USP48: variants seen among roughly 807,000 people sequenced by gnomAD.
The protein encoded by USP48 is ubiquitin carboxyl-terminal hydrolase 48.
In USP48, 43 loss-of-function variants were observed where a neutral mutation model predicts 150.7. That is an observed-to-expected ratio of 0.29 (90% confidence interval 0.22 to 0.37). The LOEUF is 0.37. Among genes scored for constraint, USP48 ranks in the 10% least tolerant of loss-of-function variants. The probability of loss-of-function intolerance (pLI) is 1.00; values close to 1 mark genes in which losing one functional copy is unlikely to be tolerated. For missense variants in USP48, 813 were observed against 1,249.6 expected, an observed-to-expected ratio of 0.65 and a Z score of 5.27; for synonymous variants, 396 against 425.9, an observed-to-expected ratio of 0.93 and a Z score of 0.86.
At chr1:21,742,577 GA>G (rs1378923662) in intron 8 of USP48, among the ~76,000 whole-genome samples, 16 of 141,530 alleles carry the variant, frequency 1.1e-4, no homozygotes, top group African/African-American at 1.8e-4. Context: ...AAAAGAAAAA[GA>G]AAAAGAAAAG....
chr1:21,689,870 G>C, intron 24 of USP48, 104 bp downstream of exon 24: 1 of 1,482,704 alleles, frequency 6.7e-7, no homozygotes, highest in Non-Finnish European at 9.1e-7. Context: ...ACTACCCTCT[G>C]CTAAAGACCC....
rs60704662 is a variant in USP48, at chr1:21,773,254, C to CAA, written c.134+9568_134+9569dup. On this transcript the variant is annotated intron_variant, in intron 1 of 26. Transcript: ENST00000308271. ...TGGGCAACAGACTGAGACTCGGTCT[C>CAA]AAAAAAAAAAAAAAAAAAAAGAAAG... Among the ~76,000 whole-genome samples, 209 of 65,974 alleles carry CAA rather than the reference C, an allele frequency of 3.2e-3. 3 individuals are homozygous for CAA. Among genetic ancestry groups the CAA allele is most frequent in the African/African-American group, 8.6e-3 (156 of 18,094 alleles). 43.3% of individuals were successfully genotyped at this position (65,974 alleles called of 152,430 possible). A position where few individuals can be genotyped will look rare whatever the true frequency, so the allele number is the denominator to read the frequency against.
At chr1:21,751,266 A>G (rs2097812503) in intron 6 of USP48, among the ~76,000 whole-genome samples, 2 of 152,220 alleles carry the variant, frequency 1.3e-5, no homozygotes, top group Non-Finnish European at 1.5e-5. Flanking sequence ...ATCACAGAAT[A>G]ATATCTTCTC....
At chr1:21,751,469 A>T in intron 6 of USP48, 38 bp downstream of exon 6, 1 of 1,469,544 alleles carries the variant, frequency 6.8e-7, no homozygotes, top group Non-Finnish European at 9.5e-7. Context: ...TTTAACTGTT[A>T]ATGGGCAGGA....
At chr1:21,724,454 C>G in intron 11 of USP48, 1 of 409,848 alleles carries the variant, frequency 2.4e-6, no homozygotes, top group East Asian at 3.8e-5. Flanking sequence ...CCATTGCTGC[C>G]TCACAAATAA....
intron 8 of USP48, among the ~76,000 whole-genome samples, chr1:21,737,211 A>G (rs1201504882): frequency 6.6e-6 from 1 of 152,234 alleles, no homozygotes; most frequent in East Asian, 1.9e-4. Context: ...AATTGTGGTC[A>G]CCATTTCACA....
intron 17 of USP48, 137 bp downstream of exon 17, chr1:21,706,330 G>A: frequency 6.7e-7 from 1 of 1,500,358 alleles, no homozygotes; most frequent in Non-Finnish European, 9.1e-7. Context: ...TAGCAGGCTG[G>A]AGTAAATCCC....
intron 22 of USP48, 22 bp downstream of exon 22, chr1:21,701,476 G>A: frequency 1.9e-6 from 3 of 1,601,148 alleles, no homozygotes; most frequent in Non-Finnish European, 2.6e-6. Flanking sequence ...GTATAACAAT[G>A]AAAAGCAGCT....
At chr1:21,778,468 A>G (rs977876941) in intron 1 of USP48, among the ~76,000 whole-genome samples, 4 of 151,996 alleles carry the variant, frequency 2.6e-5, no homozygotes, top group Non-Finnish European at 5.9e-5. Context: ...TAACCTGACA[A>G]TTCCTCAAAA....
At chr1:21,734,091 GA>G (rs1318032555) in intron 9 of USP48, among the ~76,000 whole-genome samples, 2 of 152,216 alleles carry the variant, frequency 1.3e-5, no homozygotes, top group Admixed American at 1.3e-4. Flanking sequence ...TATAAACACA[GA>G]AATGTTATTT....
intron 9 of USP48, among the ~76,000 whole-genome samples, chr1:21,735,039 A>C (rs986924676): frequency 2.0e-5 from 3 of 152,196 alleles, no homozygotes; most frequent in Non-Finnish European, 2.9e-5. Context: ...TAAGATACTT[A>C]AAGGAAGGAG....
chr1:21,697,037 C>T (rs2097635654), intron 22 of USP48, among the ~76,000 whole-genome samples: 1 of 152,148 alleles, frequency 6.6e-6, no homozygotes, highest in African/African-American at 2.4e-5. Context: ...AAGGCCCTGG[C>T]TCTGGTTTCC....
Position 21,693,902 on chromosome 1 carries a change from A to G in USP48, c.2883+1164T>C, listed in dbSNP as rs1424293524. Among the ~76,000 whole-genome samples the G allele has an allele frequency of 2.6e-5, 4 of 152,358 alleles. No homozygotes were observed. In the East Asian group the frequency reaches 5.8e-4, roughly 22 times the overall value. On this transcript the variant is annotated intron_variant, in intron 23 of 26. Transcript: ENST00000308271. Reference sequence around the variant, plus strand: ...GGCCTGTACTTTTGCCTCAATTACAATGATAAATATCAGCAACAAGAAAAA... The same window carrying G: ...GGCCTGTACTTTTGCCTCAATTACAGTGATAAATATCAGCAACAAGAAAAA...
chr1:21,744,777 T>TAAAAAAAAAAAAA (rs10699993), intron 8 of USP48, among the ~76,000 whole-genome samples: 2 of 59,548 alleles, frequency 3.4e-5, no homozygotes, highest in African/African-American at 7.0e-5. Context: ...ACTCTATCTC[T>TAAAAAAAAAAAAA]AAAAAAAAAA....
chr1:21,684,991 T>C (rs2097576857), intron 25 of USP48, among the ~76,000 whole-genome samples: 1 of 152,212 alleles, frequency 6.6e-6, no homozygotes, highest in Admixed American at 6.5e-5. Context: ...GCTTTGTTCT[T>C]TTTGCTGAGG....
chr1:21,769,345 A>C (rs545394313), intron 1 of USP48, among the ~76,000 whole-genome samples: 4 of 148,970 alleles, frequency 2.7e-5, no homozygotes, highest in South Asian at 2.2e-4. Flanking sequence ...AAGAGAACTT[A>C]CGAACACAAA....
intron 12 of USP48, 104 bp downstream of exon 12, chr1:21,723,794 T>C (rs2097728708): frequency 1.0e-6 from 1 of 993,516 alleles, no homozygotes; most frequent in African/African-American, 1.6e-5. Flanking sequence ...ATATTTGGTC[T>C]AGCATAGTTT....
At chr1:21,698,085 T>C (rs1445418352) in intron 22 of USP48, among the ~76,000 whole-genome samples, 2 of 152,160 alleles carry the variant, frequency 1.3e-5, no homozygotes, top group African/African-American at 4.8e-5. Context: ...CAGAAATGCA[T>C]CATTTTTTAT....
At position 21,679,393 on chromosome 1, in the gene USP48, T is replaced by C; in HGVS notation, c.*24A>G. The stretch of plus-strand genomic sequence containing the variant: ...CTCCTCTTCCCCTCTGGTCATTTCT[T>C]AGCAGTCAGCAAGTATTCAAAGATT... On this transcript the variant is annotated 3_prime_UTR_variant, in exon 27 of 27. Transcript: ENST00000308271. 6.2e-7 allele frequency: 1 copy of C among 1,614,108 alleles called. No homozygotes were observed. Among genetic ancestry groups the C allele is most frequent in the Non-Finnish European group, 8.5e-7 (1 of 1,179,978 alleles).
Sources: gnomAD v4.1 joint callset for allele counts (sites outside exome capture counted in the v4.1 genomes callset) on GRCh38, gnomAD v4.1.1 for gene constraint, MANE v1.5 for transcripts, NCBI Gene and HGNC (gene_info 2026-07-23, HGNC 2026-07-21) for gene names.